HNRNPH1: variants seen among roughly 807,000 people sequenced by gnomAD.
HNRNPH1 encodes heterogeneous nuclear ribonucleoprotein H1, also known as heterogeneous nuclear ribonucleoprotein H.
In HNRNPH1, 4 loss-of-function variants were observed where a neutral mutation model predicts 58.6. That is an observed-to-expected ratio of 0.07 (90% CI 0.03 to 0.16). HNRNPH1 has a LOEUF of 0.16. Among genes scored for constraint, HNRNPH1 ranks in the 10% least tolerant of loss-of-function variants. HNRNPH1 has a pLI of 1.00. For missense variants in HNRNPH1, 271 were observed against 564.2 expected (o/e 0.48, Z 5.26); for synonymous variants, 192 against 189.2 (o/e 1.01, Z -0.12).
chr5:179,634,179 CAGTGCACAAAT>C, intron 1 of HNRNPH1: 1 of 140,286 alleles, frequency 7.1e-6, no homozygotes. Flanking sequence ...GGTCAGGAGT[CAGTGCACAAAT>C]CCCTCCTGTC....
At chr5:179,629,955 C>T (rs940714392) in intron 2 of HNRNPH1, among the ~76,000 whole-genome samples, 3 of 151,532 alleles carry the variant, frequency 2.0e-5, no homozygotes, top group African/African-American at 2.4e-5. Flanking sequence ...ACCTGGGAGG[C>T]GGAGGTTGCA....
exon 5 of HNRNPH1, chr5:179,618,251 G>A: frequency 6.2e-7 from 1 of 1,614,064 alleles, no homozygotes; most frequent in Non-Finnish European, 8.5e-7. Context: ...GCCGCTGCAT[G>A]GCCATAAGCT....
chr5:179,623,427 C>G (rs1486168640), exon 1 of HNRNPH1: 2 of 254,028 alleles, frequency 7.9e-6, no homozygotes, highest in African/African-American at 2.3e-5. Context: ...CGCTCCGCCT[C>G]CTCCGACTTC....
chr5:179,616,270 T>A, intron 10 of HNRNPH1, 52 bp from the exon 12 acceptor site: 1 of 1,325,928 alleles, frequency 7.5e-7, no homozygotes, highest in Non-Finnish European at 1.1e-6. Context: ...ATGTGGTACC[T>A]GGTGGTACCG....
At chr5:179,621,940 T>C (rs1259920173) in intron 1 of HNRNPH1, 1 of 456,206 alleles carries the variant, frequency 2.2e-6, no homozygotes, top group South Asian at 1.5e-5. Context: ...CCAGCGTACT[T>C]GGTTCTTGTT....
rs12656205 is a variant in HNRNPH1 at position 179,631,616 on chromosome 5, G to A, written c.-32+2449C>T. ...CAAAAAATTAGCCAGGTGCAGTGGC[G>A]TAGGCCTGTAATCCCAGCTACTCAG... On this transcript the variant is annotated intron_variant, in intron 2 of 4. Transcript: ENST00000521116. 5.3e-4 allele frequency among the ~76,000 whole-genome samples: 80 copies of A among 152,228 alleles called. No homozygotes were observed. The East Asian group carries it at 0.012, about 22-fold the overall frequency.
chr5:179,633,285 C>T (rs1247187366), intron 2 of HNRNPH1, among the ~76,000 whole-genome samples: 1 of 117,496 alleles, frequency 8.5e-6, no homozygotes, highest in Non-Finnish European at 1.8e-5. Flanking sequence ...GCCACCACGC[C>T]CGGCCTGTTT....
chr5:179,621,527 G>T, intron 1 of HNRNPH1, 130 bp from the exon 3 acceptor site: 1 of 691,944 alleles, frequency 1.4e-6, no homozygotes, highest in Non-Finnish European at 2.4e-6. Flanking sequence ...TACTGACCAC[G>T]ATATTACCAA....
intron 12 of HNRNPH1, 166 bp from the exon 14 acceptor site, chr5:179,615,125 CAATT>C (rs1768897584): frequency 5.1e-6 from 3 of 592,872 alleles, no homozygotes; most frequent in Non-Finnish European, 9.1e-6. Flanking sequence ...AAACAAGCCT[CAATT>C]AACCCCTTTT....
At chr5:179,632,202 G>T (rs1454123853) in intron 2 of HNRNPH1, among the ~76,000 whole-genome samples, 2 of 152,136 alleles carry the variant, frequency 1.3e-5, no homozygotes, top group Non-Finnish European at 2.9e-5. Flanking sequence ...CAGCTACTTG[G>T]GAGGCTGAGG....
intron 2 of HNRNPH1, among the ~76,000 whole-genome samples, chr5:179,632,263 C>CGG (rs1774901549): frequency 2.6e-5 from 4 of 151,582 alleles, no homozygotes; most frequent in Admixed American, 2.6e-4. Flanking sequence ...AGCCAAGATC[C>CGG]CGCCACCGCA....
At chr5:179,615,121 G>A (rs1243039923) in intron 12 of HNRNPH1, 162 bp from the exon 14 acceptor site, 1 of 602,022 alleles carries the variant, frequency 1.7e-6, no homozygotes, top group East Asian at 2.8e-5. Context: ...CTCCAAACAA[G>A]CCTCAATTAA....
rs80222959 is a variant in HNRNPH1, at chr5:179,617,497, T to A, written c.1057+17A>T. On this transcript the variant is annotated intron_variant, in intron 8 of 12. Transcript: ENST00000356731. ...CAATCACCTGTTAAGAGCCCACAAA[T>A]GCTCAATCACACTTACGCATATTTG... is the stretch of plus-strand genomic sequence containing the variant. The A allele has an allele frequency of 2.8e-3, 4,472 of 1,610,866 alleles. 78 individuals are homozygous for A. In the African/African-American group the frequency reaches 0.047, roughly 17 times the overall value.
rs1769634706 is a variant in HNRNPH1 at position 179,616,330 on chromosome 5, G to GT, written c.1208-113dup. Reference sequence around the variant, plus strand: ...TTTCCAGTCTTGATCTTACATTACTGTAACCCTCTGCCTCCTTCTGCCTAC... The same window carrying GT: ...TTTCCAGTCTTGATCTTACATTACTGTTAACCCTCTGCCTCCTTCTGCCTAC... On this transcript the variant is annotated intron_variant, in intron 10 of 12. Transcript: ENST00000356731. The GT allele has an allele frequency of 4.7e-6, 4 of 854,330 alleles. No individual in the cohort carries two copies. In the East Asian group the frequency reaches 9.8e-5, roughly 21 times the overall value. 52.9% of individuals were successfully genotyped at this position (854,330 alleles called of 1,614,324 possible).
At chr5:179,614,806 AGG>A in exon 13 of HNRNPH1, 3 of 738,318 alleles carry the variant, frequency 4.1e-6, no homozygotes, top group South Asian at 1.8e-5. Flanking sequence ...AAAAAAAAAA[AGG>A]TTGACCAAGA....
intron 2 of HNRNPH1, among the ~76,000 whole-genome samples, chr5:179,631,554 T>C (rs1011664173): frequency 4.6e-5 from 7 of 152,046 alleles, no homozygotes; most frequent in Non-Finnish European, 8.8e-5. Flanking sequence ...AAGACCAGCC[T>C]GGCCAACATG....
chr5:179,614,659 C>G, exon 13 of HNRNPH1: 1 of 499,192 alleles, frequency 2.0e-6, no homozygotes, highest in Admixed American at 3.3e-5. Flanking sequence ...CTGTTACATC[C>G]TAGATGAGTA....
exon 13 of HNRNPH1, chr5:179,614,852 A>G (rs1388862691): frequency 6.6e-7 from 1 of 1,504,922 alleles, no homozygotes; most frequent in Admixed American, 2.0e-5. Context: ...TACATTCCCC[A>G]TCCACCACTC....
chr5:179,628,811 A>C (rs1562366673), upstream of HNRNPH1, among the ~76,000 whole-genome samples: 1 of 151,854 alleles, frequency 6.6e-6, no homozygotes, highest in African/African-American at 2.4e-5. Context: ...GGCAAAGATC[A>C]AGTGTAGGAA....
Sources: gnomAD v4.1 joint callset for allele counts (sites outside exome capture counted in the v4.1 genomes callset) on GRCh38, gnomAD v4.1.1 for gene constraint, MANE v1.5 for transcripts, NCBI Gene and HGNC (gene_info 2026-07-23, HGNC 2026-07-21) for gene names.